Variants in PTPRA observed in about 807,000 individuals in gnomAD.
PTPRA encodes the protein protein tyrosine phosphatase receptor type A.
PTPRA carries 25 observed loss-of-function variants against 104.8 expected under a neutral mutation model. The observed-to-expected ratio is 0.24, with a 90% CI of 0.17 to 0.33. PTPRA has a LOEUF of 0.33. PTPRA is among the 10% of genes least tolerant of loss of function. The pLI is 1.00. For synonymous variants in PTPRA, 323 were observed against 368.9 expected (o/e 0.88, Z 1.43); for missense variants, 765 against 1,015.3 (o/e 0.75, Z 3.35).
chr20:2,930,612 G>A (rs1336069426), intron 2 of PTPRA, among the ~76,000 whole-genome samples: 1 of 152,086 alleles, frequency 6.6e-6, no homozygotes, highest in Non-Finnish European at 1.5e-5. Context: ...GCTTCCAAGA[G>A]CCCCCTGTGT....
At chr20:2,905,399 G>C (rs913911731) in intron 1 of PTPRA, among the ~76,000 whole-genome samples, 2 of 152,254 alleles carry the variant, frequency 1.3e-5, no homozygotes. Flanking sequence ...CTGCTCTCTA[G>C]CACATCTTGC....
intron 19 of PTPRA, 109 bp downstream of exon 19, chr20:3,027,306 C>A: frequency 2.6e-6 from 3 of 1,156,058 alleles, no homozygotes; most frequent in South Asian, 1.3e-5. Context: ...TTGAATCAGT[C>A]AACAAATAGT....
At chr20:2,894,071 G>A (rs988210503) in intron 1 of PTPRA, among the ~76,000 whole-genome samples, 1 of 151,918 alleles carries the variant, frequency 6.6e-6, no homozygotes, top group African/African-American at 2.4e-5. Context: ...ATTATTTTTG[G>A]TATTCCCGTA....
At chr20:3,028,081 G>A (rs567643508) in intron 20 of PTPRA, among the ~76,000 whole-genome samples, 1 of 152,260 alleles carries the variant, frequency 6.6e-6, no homozygotes, top group Non-Finnish European at 1.5e-5. Context: ...GACTAGAAAA[G>A]CAATGTGATC....
At chr20:2,872,367 G>T (rs2089450819), upstream of PTPRA, among the ~76,000 whole-genome samples, 1 of 152,218 alleles carries the variant, frequency 6.6e-6, no homozygotes, top group Non-Finnish European at 1.5e-5. The surrounding 1 kb of genome is among the most constrained non-coding windows in gnomAD (Gnocchi z 7.9). Context: ...CTCAGGGGTT[G>T]CCCGGTCTGG....
chr20:2,887,429 T>G (rs2090448969), intron 1 of PTPRA, among the ~76,000 whole-genome samples: 1 of 152,190 alleles, frequency 6.6e-6, no homozygotes, highest in Non-Finnish European at 1.5e-5. Flanking sequence ...ATGTGGCCAG[T>G]GATGATGGTG....
intron 18 of PTPRA, 132 bp downstream of exon 18, chr20:3,026,912 A>G (rs534212321): frequency 1.1e-6 from 1 of 951,260 alleles, no homozygotes; most frequent in African/African-American, 1.6e-5. Context: ...TGTTGCACCC[A>G]CTTAACAACA....
chr20:2,935,218 C>T (rs903678807), intron 2 of PTPRA, among the ~76,000 whole-genome samples: 3 of 152,162 alleles, frequency 2.0e-5, no homozygotes, highest in African/African-American at 7.2e-5. Flanking sequence ...TTTTTACATT[C>T]CACGTGTAAG....
chr20:3,018,053 T>G (rs2064555939), intron 13 of PTPRA, 140 bp downstream of exon 13: 1 of 715,892 alleles, frequency 1.4e-6, no homozygotes, highest in Non-Finnish European at 2.3e-6. Context: ...TATCAGACTT[T>G]GCTATGGCCT....
intron 2 of PTPRA, among the ~76,000 whole-genome samples, chr20:2,939,736 A>G (rs977489566): frequency 1.3e-5 from 2 of 152,174 alleles, no homozygotes; most frequent in African/African-American, 2.4e-5. Context: ...TCCCTAGCCA[A>G]TCTACCTTCT....
the PTPRA span, chr20:2,864,682 GTGTGGGGCA>G: frequency 6.2e-7 from 1 of 1,601,398 alleles, no homozygotes; most frequent in African/African-American, 1.3e-5. This position sits in a 1 kb window ranked among gnomAD's most constrained non-coding sequence, Gnocchi z 5.2. Context: ...CGTGTGGGGC[GTGTGGGGCA>G]TGTGGGCTGG....
At chr20:2,984,403 C>G (rs1448280153) in intron 6 of PTPRA, among the ~76,000 whole-genome samples, 2 of 152,166 alleles carry the variant, frequency 1.3e-5, no homozygotes, top group Non-Finnish European at 2.9e-5. Flanking sequence ...TCACCAGTAG[C>G]CACCGTCTTG....
chr20:3,026,259 G>A (rs558498222), intron 17 of PTPRA, among the ~76,000 whole-genome samples: 1 of 152,192 alleles, frequency 6.6e-6, no homozygotes, highest in Admixed American at 6.5e-5. Flanking sequence ...TTTCTAATAA[G>A]GTGAAGCCAA....
chr20:2,906,771 G>C (rs958318321), intron 1 of PTPRA, among the ~76,000 whole-genome samples: 3 of 152,048 alleles, frequency 2.0e-5, no homozygotes, highest in Non-Finnish European at 4.4e-5. Flanking sequence ...TCAAATAATT[G>C]ATACCAGCCC....
rs1356463789 is a variant in PTPRA, at chr20:3,022,632, A to T, written c.1329-57A>T. On this transcript the variant is annotated intron_variant, in intron 15 of 23. Transcript: ENST00000399903. The surrounding 1 kb of genome is among the most constrained non-coding windows in gnomAD (Gnocchi z 4.6). The stretch of plus-strand genomic sequence containing the variant: ...GCCCCTGCCTGTGTTGCCCCTCCCT[A>T]TCTGCTCCCACAAGGCAGGCTGGCC... 4 of 1,608,662 alleles carry T rather than the reference A, an allele frequency of 2.5e-6. No individual in the cohort carries two copies. The highest frequency in any genetic ancestry group is 3.4e-6 in the Non-Finnish European group (4 of 1,176,518).
chr20:2,886,748 C>T (rs915669361), intron 1 of PTPRA, among the ~76,000 whole-genome samples: 2 of 149,636 alleles, frequency 1.3e-5, no homozygotes, highest in African/African-American at 4.9e-5. Flanking sequence ...CCCAGCTACT[C>T]GGGAGGCTGA....
intron 2 of PTPRA, among the ~76,000 whole-genome samples, chr20:2,926,959 T>G (rs1004143920): frequency 3.3e-5 from 5 of 151,770 alleles, no homozygotes; most frequent in African/African-American, 9.7e-5. Flanking sequence ...CCCGGCTAAT[T>G]TTTGTATTTT....
chr20:2,988,004 T>G, intron 7 of PTPRA, 28 bp from the exon 8 acceptor site: 1 of 1,524,976 alleles, frequency 6.6e-7, no homozygotes, highest in Non-Finnish European at 9.1e-7. Flanking sequence ...CTGTGCTCCA[T>G]TCTTCACTGT....
intron 11 of PTPRA, among the ~76,000 whole-genome samples, chr20:3,013,005 T>G (rs893659558): frequency 2.0e-5 from 3 of 152,304 alleles, no homozygotes; most frequent in African/African-American, 7.2e-5. Context: ...TATTCACATA[T>G]AACTGCAGCC....
Sources: gnomAD v4.1 joint callset for allele counts (sites outside exome capture counted in the v4.1 genomes callset) on GRCh38, gnomAD v4.1.1 for gene constraint, Gnocchi (gnomAD v3.1) non-coding constraint, MANE v1.5 for transcripts, NCBI Gene and HGNC (gene_info 2026-07-23, HGNC 2026-07-21) for gene names.